Variants in TBC1D5 observed in about 807,000 individuals in gnomAD.
TBC1D5 encodes the protein TBC1 domain family, member 5.
In TBC1D5, 75 loss-of-function variants were observed where a neutral mutation model predicts 100.3. The observed-to-expected ratio is 0.75, with a 90% CI of 0.62 to 0.91. The LOEUF (loss-of-function observed/expected upper bound fraction) is 0.91, where lower values mean the gene tolerates loss of function less well. TBC1D5 is among the 40% of genes least tolerant of loss of function. The pLI, the probability that TBC1D5 is intolerant of heterozygous loss-of-function variation, is 0.00. For synonymous variants in TBC1D5, 323 were observed against 325.6 expected (o/e 0.99, Z 0.09); for missense variants, 910 against 942.4 (o/e 0.97, Z 0.45).
intron 2 of TBC1D5, among the ~76,000 whole-genome samples, chr3:17,558,611 T>C (rs2096536968): frequency 6.6e-6 from 1 of 152,236 alleles, no homozygotes; most frequent in African/African-American, 2.4e-5. Context: ...ACAGATTAAA[T>C]GGGAGTGAGA....
intron 3 of TBC1D5, among the ~76,000 whole-genome samples, chr3:17,506,999 G>C (rs1002352637): frequency 2.6e-5 from 4 of 152,096 alleles, no homozygotes; most frequent in African/African-American, 9.7e-5. Flanking sequence ...CTGGGCTATG[G>C]AACAAGACTC....
At chr3:17,633,115 G>A (rs2063630379) in intron 1 of TBC1D5, among the ~76,000 whole-genome samples, 1 of 152,028 alleles carries the variant, frequency 6.6e-6, no homozygotes, top group Non-Finnish European at 1.5e-5. Flanking sequence ...ACACCCTCCT[G>A]AAATATCCAT....
chr3:17,191,033 C>T (rs1427070679), intron 18 of TBC1D5, among the ~76,000 whole-genome samples: 2 of 152,084 alleles, frequency 1.3e-5, no homozygotes, highest in Non-Finnish European at 1.5e-5. Flanking sequence ...AAATCCAAGT[C>T]AGAAGCATAT....
At chr3:17,714,625 A>G (rs928800578) in intron 1 of TBC1D5, among the ~76,000 whole-genome samples, 11 of 152,206 alleles carry the variant, frequency 7.2e-5, no homozygotes, top group African/African-American at 2.4e-4. Context: ...CAGAGAATTT[A>G]CTGACCACAC....
intron 3 of TBC1D5, among the ~76,000 whole-genome samples, chr3:17,465,753 C>A (rs1268022974): frequency 6.6e-6 from 1 of 152,156 alleles, no homozygotes; most frequent in Non-Finnish European, 1.5e-5. Context: ...ATTATCACAA[C>A]CTGAGAAATA....
At chr3:17,454,306 G>A (rs997806714) in intron 3 of TBC1D5, among the ~76,000 whole-genome samples, 4 of 151,890 alleles carry the variant, frequency 2.6e-5, no homozygotes, top group Non-Finnish European at 5.9e-5. Flanking sequence ...AATGGTATCC[G>A]AATTGGAAAA....
At chr3:17,411,441 T>C (rs2093922003) in intron 4 of TBC1D5, among the ~76,000 whole-genome samples, 1 of 152,118 alleles carries the variant, frequency 6.6e-6, no homozygotes, top group Non-Finnish European at 1.5e-5. Flanking sequence ...TACATATATT[T>C]AAATAGCTTG....
intron 2 of TBC1D5, among the ~76,000 whole-genome samples, chr3:17,602,713 C>T (rs1312882391): frequency 1.3e-5 from 2 of 151,658 alleles, no homozygotes; most frequent in South Asian, 2.1e-4. Context: ...GCCGAGACTA[C>T]AGGCGCCCGC....
At chr3:17,343,001 A>T (rs977375472) in intron 13 of TBC1D5, among the ~76,000 whole-genome samples, 1 of 151,990 alleles carries the variant, frequency 6.6e-6, no homozygotes, top group Non-Finnish European at 1.5e-5. Flanking sequence ...TTCCAACACT[A>T]TGTTGAATAG....
intron 1 of TBC1D5, among the ~76,000 whole-genome samples, chr3:17,671,872 A>C (rs17043877): frequency 0.011 from 1,700 of 152,354 alleles, 24 homozygotes; most frequent in African/African-American, 0.038. Context: ...TGAGAGCAGC[A>C]TCTGTTTATT....
chr3:17,294,978 T>A (rs1417234666), intron 14 of TBC1D5, among the ~76,000 whole-genome samples: 2 of 140,590 alleles, frequency 1.4e-5, no homozygotes, highest in African/African-American at 5.2e-5. Context: ...TTTTTGAACA[T>A]GAAAAACTAA....
At chr3:17,414,530 A>C (rs2094014851) in intron 4 of TBC1D5, among the ~76,000 whole-genome samples, 2 of 152,214 alleles carry the variant, frequency 1.3e-5, no homozygotes, top group Non-Finnish European at 2.9e-5. Context: ...TACTATTCAA[A>C]TAGAACAAGT....
At chr3:17,571,134 G>GA (rs201097976) in intron 2 of TBC1D5, among the ~76,000 whole-genome samples, 2,519 of 151,830 alleles carry the variant, frequency 0.017, 51 homozygotes, top group South Asian at 0.048. Context: ...AAAATCCTAG[G>GA]AAAAAAATTT....
intron 1 of TBC1D5, among the ~76,000 whole-genome samples, chr3:17,706,874 A>C (rs1384225830): frequency 6.6e-6 from 1 of 151,862 alleles, no homozygotes; most frequent in East Asian, 1.9e-4. Flanking sequence ...TTTTTTAAAA[A>C]AAGTCATTAA....
intron 18 of TBC1D5, among the ~76,000 whole-genome samples, chr3:17,200,911 T>C (rs765113211): frequency 2.4e-4 from 37 of 152,364 alleles, no homozygotes; most frequent in Non-Finnish European, 4.4e-4. Flanking sequence ...GATAAATTTG[T>C]AATGATAAAC....
chr3:17,457,673 T>A (rs890041339), intron 3 of TBC1D5, among the ~76,000 whole-genome samples: 1 of 152,330 alleles, frequency 6.6e-6, no homozygotes, highest in East Asian at 1.9e-4. Context: ...TGTGTTTTGG[T>A]TCTAATTGCT....
chr3:17,564,201 G>GA (rs1441511656), intron 2 of TBC1D5, among the ~76,000 whole-genome samples: 2 of 151,662 alleles, frequency 1.3e-5, no homozygotes, highest in South Asian at 2.1e-4. Flanking sequence ...CAAATTGGAG[G>GA]AAAAAAACGA....
At chr3:17,334,108 CAG>C (rs967769479) in intron 13 of TBC1D5, among the ~76,000 whole-genome samples, 9 of 151,974 alleles carry the variant, frequency 5.9e-5, no homozygotes, top group African/African-American at 2.2e-4. Flanking sequence ...GGTGACAAGT[CAG>C]AGAGTAGCAT....
At chr3:17,619,955 CA>C (rs1434542183) in intron 2 of TBC1D5, among the ~76,000 whole-genome samples, 2 of 152,142 alleles carry the variant, frequency 1.3e-5, no homozygotes, top group Non-Finnish European at 2.9e-5. Flanking sequence ...TAAATGTACC[CA>C]AAATTCCATT....
Sources: gnomAD v4.1 joint callset for allele counts (sites outside exome capture counted in the v4.1 genomes callset) on GRCh38, gnomAD v4.1.1 for gene constraint, MANE v1.5 for transcripts, NCBI Gene and HGNC (gene_info 2026-07-23, HGNC 2026-07-21) for gene names.